CDH12: variants seen among roughly 807,000 people sequenced by gnomAD.
CDH12 encodes cadherin-12.
CDH12 carries 41 observed loss-of-function variants against 74.1 expected under a neutral mutation model. The ratio of observed to expected loss-of-function variants is 0.55; its 90% CI spans 0.43 to 0.72. The LOEUF (loss-of-function observed/expected upper bound fraction) is 0.72. Among genes scored for constraint, CDH12 ranks in the 30% least tolerant of loss-of-function variants. The pLI is 0.00. For missense variants in CDH12, 945 were observed against 977.2 expected (o/e 0.97, Z 0.44); for synonymous variants, 399 against 355.0 (o/e 1.12, Z -1.39).
At chr5:22,578,000 T>C (rs184309927) in intron 1 of CDH12, among the ~76,000 whole-genome samples, 2 of 152,288 alleles carry the variant, frequency 1.3e-5, no homozygotes, top group South Asian at 2.1e-4. Flanking sequence ...TCTAAAAACA[T>C]TTAAATGTAT....
intron 1 of CDH12, among the ~76,000 whole-genome samples, chr5:22,563,247 ATCTG>A (rs1739146528): frequency 6.6e-6 from 1 of 151,926 alleles, no homozygotes; most frequent in African/African-American, 2.4e-5. Flanking sequence ...ACCTGTATTT[ATCTG>A]TCTTTTTGAT....
intron 6 of CDH12, among the ~76,000 whole-genome samples, chr5:21,880,780 A>C (rs1047630003): frequency 1.3e-5 from 2 of 151,200 alleles, no homozygotes; most frequent in Non-Finnish European, 2.9e-5. Flanking sequence ...TCTAATAGAA[A>C]GTAGAGTCCC....
At chr5:22,234,868 A>G (rs888088266) in intron 3 of CDH12, among the ~76,000 whole-genome samples, 2 of 152,092 alleles carry the variant, frequency 1.3e-5, no homozygotes, top group African/African-American at 4.8e-5. Flanking sequence ...CTTAGAATAC[A>G]ATAATTTCCT....
rs537885833 is a variant in CDH12, at chr5:22,435,620, C to T, written c.-427-30269G>A. On this transcript the variant is annotated intron_variant, in intron 2 of 14. Transcript: ENST00000382254. Reference sequence around the variant, plus strand: ...TAGTTTAAAACAAAGATGATAATAGCCCTTTCCCAAAACAGACCTCCTTCT... The same window carrying T: ...TAGTTTAAAACAAAGATGATAATAGTCCTTTCCCAAAACAGACCTCCTTCT... Among the ~76,000 whole-genome samples, 31 of 151,896 alleles carry T rather than the reference C, an allele frequency of 2.0e-4. No homozygotes were observed. In the East Asian group the frequency reaches 5.6e-3, roughly 28 times the overall value.
intron 3 of CDH12, among the ~76,000 whole-genome samples, chr5:22,349,202 T>C (rs543989309): frequency 1.3e-5 from 2 of 152,290 alleles, no homozygotes; most frequent in South Asian, 4.1e-4. Context: ...CTGTAAGAAA[T>C]ACATTTCTGT....
chr5:21,762,703 T>C (rs1206962478), intron 12 of CDH12, among the ~76,000 whole-genome samples: 1 of 152,100 alleles, frequency 6.6e-6, no homozygotes, highest in Non-Finnish European at 1.5e-5. Context: ...ATAACATTGA[T>C]TTCAACTAAT....
At chr5:22,531,364 C>T (rs940463730) in intron 1 of CDH12, among the ~76,000 whole-genome samples, 1 of 151,828 alleles carries the variant, frequency 6.6e-6, no homozygotes, top group Non-Finnish European at 1.5e-5. Flanking sequence ...GTGAATGATG[C>T]AGTAGAAACA....
intron 1 of CDH12, among the ~76,000 whole-genome samples, chr5:22,847,162 C>A (rs1183743028): frequency 6.6e-6 from 1 of 152,110 alleles, no homozygotes; most frequent in Non-Finnish European, 1.5e-5. Flanking sequence ...CTAGATTTCT[C>A]ACTATAAGAC....
At chr5:21,969,022 T>C (rs1322150107) in intron 6 of CDH12, among the ~76,000 whole-genome samples, 1 of 151,782 alleles carries the variant, frequency 6.6e-6, no homozygotes, top group Non-Finnish European at 1.5e-5. Flanking sequence ...AAATAACTAA[T>C]GCATGCTGGG....
chr5:22,328,883 C>T (rs1439233270), intron 3 of CDH12, among the ~76,000 whole-genome samples: 1 of 152,046 alleles, frequency 6.6e-6, no homozygotes, highest in Non-Finnish European at 1.5e-5. Context: ...GGGCATTTCC[C>T]AAGGAAGTTG....
chr5:22,077,713 C>G (rs1478408237), intron 5 of CDH12, among the ~76,000 whole-genome samples: 3 of 151,818 alleles, frequency 2.0e-5, no homozygotes, highest in Admixed American at 2.0e-4. Context: ...GAAAAAAAAG[C>G]AGTAAAACAT....
At chr5:22,585,342 T>C (rs2126789874) in intron 1 of CDH12, among the ~76,000 whole-genome samples, 1 of 152,310 alleles carries the variant, frequency 6.6e-6, no homozygotes, top group East Asian at 1.9e-4. Flanking sequence ...TTTGATTTCC[T>C]GCAGTTTCAC....
intron 6 of CDH12, among the ~76,000 whole-genome samples, chr5:21,897,437 T>C (rs7380698): frequency 0.65 from 99,379 of 152,168 alleles, 36,174 homozygotes; most frequent in Non-Finnish European, 0.8. Flanking sequence ...AAGCCTCAAA[T>C]GTCTGTTACG....
intron 1 of CDH12, among the ~76,000 whole-genome samples, chr5:22,817,828 T>A (rs990983939): frequency 6.6e-6 from 1 of 152,178 alleles, no homozygotes; most frequent in African/African-American, 2.4e-5. Context: ...GCAATACAAC[T>A]CTTTTTCTTT....
At chr5:22,474,465 A>T (rs1405321884) in intron 2 of CDH12, among the ~76,000 whole-genome samples, 1 of 152,172 alleles carries the variant, frequency 6.6e-6, no homozygotes, top group African/African-American at 2.4e-5. Flanking sequence ...TGGATAACTG[A>T]GTGGTCAAAT....
chr5:21,768,424 A>C (rs564262718), intron 11 of CDH12, among the ~76,000 whole-genome samples: 1 of 152,038 alleles, frequency 6.6e-6, no homozygotes, highest in Non-Finnish European at 1.5e-5. Flanking sequence ...CTAAACTAAG[A>C]GAAAAAAAGG....
intron 9 of CDH12, among the ~76,000 whole-genome samples, chr5:21,806,280 G>T (rs1272433527): frequency 1.3e-5 from 2 of 152,152 alleles, no homozygotes; most frequent in Non-Finnish European, 2.9e-5. Context: ...GAGAAAAATT[G>T]CATCTGTAAG....
intron 4 of CDH12, among the ~76,000 whole-genome samples, chr5:22,150,881 ATGG>A (rs1747529925): frequency 6.6e-6 from 1 of 152,204 alleles, no homozygotes; most frequent in Non-Finnish European, 1.5e-5. Flanking sequence ...TAGCTTGGTG[ATGG>A]TGGCAGAGAA....
chr5:22,225,359 G>A (rs1382675646), intron 3 of CDH12, among the ~76,000 whole-genome samples: 1 of 152,064 alleles, frequency 6.6e-6, no homozygotes, highest in East Asian at 1.9e-4. Flanking sequence ...AAGTCATTTT[G>A]TGCTTCCCAG....
Sources: allele counts gnomAD v4.1 joint callset (sites outside exome capture counted in the v4.1 genomes callset), GRCh38; gene constraint gnomAD v4.1.1; transcripts MANE v1.5; gene names NCBI Gene and HGNC (gene_info 2026-07-23, HGNC 2026-07-21).